CNKSR2: variants seen among roughly 807,000 people sequenced by gnomAD.
CNKSR2 encodes the protein connector enhancer of kinase suppressor of Ras 2, also known as CNK homolog protein 2.
In CNKSR2, 14 loss-of-function variants were observed where a neutral mutation model predicts 84.4. The observed-to-expected ratio is 0.17, with a 90% CI of 0.11 to 0.26. The LOEUF (loss-of-function observed/expected upper bound fraction) is 0.26. Among genes scored for constraint, CNKSR2 ranks in the 10% least tolerant of loss-of-function variants. The pLI is 1.00. For missense variants in CNKSR2, 485 were observed against 771.2 expected, an observed-to-expected ratio of 0.63 and a Z score of 4.40; for synonymous variants, 275 against 277.9, an observed-to-expected ratio of 0.99 and a Z score of 0.10.
chrX:21,618,768 A>G (rs972566974), intron 20 of CNKSR2, among the ~76,000 whole-genome samples: 1 of 112,129 alleles, frequency 8.9e-6, no homozygotes, highest in African/African-American at 3.2e-5. Context: ...TATATAATTC[A>G]GTTAATTCCA....
chrX:21,381,521 C>T (rs2089899144), intron 1 of CNKSR2, among the ~76,000 whole-genome samples: 1 of 112,403 alleles, frequency 8.9e-6, no homozygotes, highest in African/African-American at 3.2e-5. Context: ...CACCTGCAGT[C>T]AGGATGAATT....
At chrX:21,536,829 G>GT (rs57674975) in intron 11 of CNKSR2, among the ~76,000 whole-genome samples, 7,909 of 93,031 alleles carry the variant, frequency 0.085, 773 homozygotes, top group African/African-American at 0.26. Flanking sequence ...TCTTCTGTAG[G>GT]TTTTTTTTTT....
chrX:21,633,548 G>A (rs1392321971), intron 20 of CNKSR2, among the ~76,000 whole-genome samples: 1 of 110,564 alleles, frequency 9.0e-6, no homozygotes, highest in African/African-American at 3.4e-5. Flanking sequence ...AGAACTTTCT[G>A]ACATTTCAAA....
rs186736222 is a variant in CNKSR2, at chrX:21,526,206, T to G, written c.958-661T>G. ...AATGATAGATAAATGTGTGTGCCTA[T>G]GAATGGTGAAATGATTGTGTTACAT... On this transcript the variant is annotated intron_variant, in intron 9 of 21. Transcript: ENST00000379510. Among the ~76,000 whole-genome samples, 27 of 111,504 alleles carry G rather than the reference T, an allele frequency of 2.4e-4. No individual in the cohort carries two copies. In the East Asian group the frequency reaches 6.5e-3, roughly 27 times the overall value.
intron 1 of CNKSR2, among the ~76,000 whole-genome samples, chrX:21,384,819 A>G (rs1240829179): frequency 8.9e-6 from 1 of 112,086 alleles, no homozygotes; most frequent in Non-Finnish European, 1.9e-5. Context: ...ATTATTTAAT[A>G]TAGCTTGGTT....
At chrX:21,543,294 C>G (rs776368774) in intron 11 of CNKSR2, among the ~76,000 whole-genome samples, 26 of 112,127 alleles carry the variant, frequency 2.3e-4, no homozygotes, top group Non-Finnish European at 3.8e-4. Context: ...GTACGATTTC[C>G]AAAGAAGAAC....
At chrX:21,414,419 A>ATT (rs201688415) in intron 1 of CNKSR2, among the ~76,000 whole-genome samples, 2 of 104,617 alleles carry the variant, frequency 1.9e-5, no homozygotes, top group Non-Finnish European at 2.0e-5. Context: ...AGATTATTAG[A>ATT]TTTTTTTTTT....
At chrX:21,575,561 C>A (rs1226760177) in intron 13 of CNKSR2, among the ~76,000 whole-genome samples, 1 of 111,387 alleles carries the variant, frequency 9.0e-6, no homozygotes, top group Non-Finnish European at 1.9e-5. Flanking sequence ...GGAGAAAATA[C>A]ATTAACTCAT....
intron 1 of CNKSR2, among the ~76,000 whole-genome samples, chrX:21,405,212 G>T (rs2090247591): frequency 9.0e-6 from 1 of 111,314 alleles, no homozygotes; most frequent in African/African-American, 3.3e-5. Flanking sequence ...ATCTTGACTA[G>T]GATTTCATTG....
chrX:21,383,272 A>T (rs1408905938), intron 1 of CNKSR2, among the ~76,000 whole-genome samples: 3 of 112,832 alleles, frequency 2.7e-5, no homozygotes, highest in Non-Finnish European at 5.6e-5. Flanking sequence ...CACAATCATT[A>T]ATTCTAATGG....
intron 6 of CNKSR2, chrX:21,495,441 G>A (rs988500652): frequency 9.0e-6 from 1 of 110,714 alleles, no homozygotes; most frequent in Non-Finnish European, 1.9e-5. Context: ...AGTGTATTTT[G>A]TTTTGTTCAC....
At chrX:21,469,097 A>AATAC (rs1205151587) in intron 4 of CNKSR2, among the ~76,000 whole-genome samples, 2 of 112,143 alleles carry the variant, frequency 1.8e-5, no homozygotes, top group Admixed American at 1.9e-4. Flanking sequence ...ACTAGAGTAT[A>AATAC]CATTCAGATC....
chrX:21,426,313 G>T, intron 1 of CNKSR2, 184 bp from the exon 2 acceptor site: 1 of 407,815 alleles, frequency 2.5e-6, no homozygotes, highest in Non-Finnish European at 4.2e-6. Flanking sequence ...GTATGATGAA[G>T]TGATTTTCTT....
chrX:21,562,712 A>C (rs1460349816), intron 12 of CNKSR2, among the ~76,000 whole-genome samples: 1 of 111,341 alleles, frequency 9.0e-6, no homozygotes, highest in Non-Finnish European at 1.9e-5. Context: ...AACCATGTGA[A>C]GTACTAAGAG....
intron 1 of CNKSR2, among the ~76,000 whole-genome samples, chrX:21,411,722 A>G (rs757289910): frequency 2.7e-5 from 3 of 111,194 alleles, no homozygotes; most frequent in African/African-American, 9.8e-5. Context: ...TCTCTCTGAC[A>G]TGGTCAAATC....
chrX:21,572,028 T>A (rs1263079327), intron 13 of CNKSR2, among the ~76,000 whole-genome samples: 1 of 112,594 alleles, frequency 8.9e-6, no homozygotes, highest in Non-Finnish European at 1.9e-5. Context: ...TTAGACATGT[T>A]AGAGTACAAC....
At chrX:21,529,783 C>T (rs2091869209) in intron 10 of CNKSR2, among the ~76,000 whole-genome samples, 1 of 110,862 alleles carries the variant, frequency 9.0e-6, no homozygotes, top group Non-Finnish European at 1.9e-5. Flanking sequence ...CTTAATTCAA[C>T]AGTATTTTAC....
chrX:21,441,898 TTTAA>T (rs1345513443), intron 4 of CNKSR2, among the ~76,000 whole-genome samples: 3 of 111,942 alleles, frequency 2.7e-5, no homozygotes, highest in Non-Finnish European at 5.7e-5. Flanking sequence ...TTCATTCAGC[TTTAA>T]TTATTTTTAT....
At chrX:21,603,661 C>T (rs1369250553) in intron 18 of CNKSR2, among the ~76,000 whole-genome samples, 4 of 112,406 alleles carry the variant, frequency 3.6e-5, no homozygotes, top group African/African-American at 6.5e-5. Context: ...AACAGAGTTA[C>T]ACTTAATTCA....
Sources: gnomAD v4.1 joint callset for allele counts (sites outside exome capture counted in the v4.1 genomes callset) on GRCh38, gnomAD v4.1.1 for gene constraint, MANE v1.5 for transcripts, NCBI Gene and HGNC (gene_info 2026-07-23, HGNC 2026-07-21) for gene names.